ZNF236: variants seen among roughly 807,000 people sequenced by gnomAD.
ZNF236 encodes the protein zinc finger protein 236.
In ZNF236, 50 loss-of-function variants were observed where a neutral mutation model predicts 191.2. The observed-to-expected ratio is 0.26, with a 90% CI of 0.21 to 0.33. The LOEUF is 0.33. Among genes scored for constraint, ZNF236 ranks in the 10% least tolerant of loss-of-function variants. The probability of loss-of-function intolerance (pLI) is 1.00; values close to 1 mark genes in which losing one functional copy is unlikely to be tolerated. For missense variants in ZNF236, 1,754 were observed against 2,374.5 expected (o/e 0.74, Z 5.43); for synonymous variants, 907 against 928.8 (o/e 0.98, Z 0.43).
chr18:76,871,654 C>A, intron 4 of ZNF236, 47 bp from the exon 5 acceptor site: 1 of 1,608,862 alleles, frequency 6.2e-7, no homozygotes, highest in Middle Eastern at 1.7e-4. Context: ...AATTATGGTA[C>A]AAGGGAGACA....
chr18:76,857,253 C>G (rs1399041499), intron 3 of ZNF236, among the ~76,000 whole-genome samples: 1 of 152,206 alleles, frequency 6.6e-6, no homozygotes, highest in African/African-American at 2.4e-5. Flanking sequence ...ATTACTCACT[C>G]TCTCATCCTG....
intron 10 of ZNF236, among the ~76,000 whole-genome samples, chr18:76,896,598 G>A (rs548943954): frequency 6.0e-5 from 9 of 150,526 alleles, no homozygotes; most frequent in African/African-American, 2.0e-4. Context: ...ACTGCACACA[G>A]TACGAAACAG....
At chr18:76,914,856 T>A (rs141283649) in intron 18 of ZNF236, among the ~76,000 whole-genome samples, 28 of 151,898 alleles carry the variant, frequency 1.8e-4, no homozygotes, top group Admixed American at 5.2e-4. Flanking sequence ...TCATTATAAG[T>A]TTAATATCAA....
chr18:76,825,850 A>G (rs1253300203), intron 1 of ZNF236, among the ~76,000 whole-genome samples: 2 of 151,826 alleles, frequency 1.3e-5, no homozygotes, highest in Non-Finnish European at 2.9e-5. Context: ...GGCTCAAGTG[A>G]TTCTCCCACG....
In ZNF236 at chr18:76,919,692, A is replaced by G; in HGVS notation, c.3275-84A>G. 4.1e-6 allele frequency: 6 copies of G among 1,466,074 alleles called. No individual in the cohort carries two copies. In the South Asian group the frequency reaches 6.3e-5, roughly 15 times the overall value. 90.8% of individuals were successfully genotyped at this position (1,466,074 alleles called of 1,614,324 possible). ...TGAGTTATTAATTTTCATTACATACATACCTATTTAGTTTTAATTGTTTTG... is the reference window on the plus strand; with the variant it reads ...TGAGTTATTAATTTTCATTACATACGTACCTATTTAGTTTTAATTGTTTTG... On this transcript the variant is annotated intron_variant, in intron 19 of 30. Coordinates refer to ENST00000320610, the MANE Select transcript of ZNF236 (RefSeq NM_001306089.2). The surrounding 1 kb of genome is among the most constrained non-coding windows in gnomAD (Gnocchi z 5.3).
chr18:76,907,929 C>G (rs970853360), intron 13 of ZNF236, among the ~76,000 whole-genome samples: 23 of 152,158 alleles, frequency 1.5e-4, no homozygotes, highest in African/African-American at 5.5e-4. Flanking sequence ...AGATTTAGAT[C>G]AGTCTATAAA....
Position 76,960,610 on chromosome 18 carries a change from C to G in ZNF236, c.5243-69C>G. Reference sequence around the variant, plus strand: ...AACATTCAGTCCCTCTTGTTCATACCTCAGGGTAGAGCCCAGGCATCCACT... The same window carrying G: ...AACATTCAGTCCCTCTTGTTCATACGTCAGGGTAGAGCCCAGGCATCCACT... On this transcript the variant is annotated intron_variant, in intron 29 of 30. Transcript: ENST00000320610. The surrounding 1 kb of genome is among the most constrained non-coding windows in gnomAD (Gnocchi z 4.4). The G allele has an allele frequency of 6.3e-7, 1 of 1,575,858 alleles. No individual in the cohort carries two copies. The highest frequency in any genetic ancestry group is 1.1e-5 in the South Asian group (1 of 89,924).
intron 28 of ZNF236, among the ~76,000 whole-genome samples, chr18:76,958,101 G>C (rs766159852): frequency 6.6e-6 from 1 of 152,186 alleles, no homozygotes; most frequent in Non-Finnish European, 1.5e-5. Context: ...ACCAACTTCA[G>C]GGCACAACAC....
chr18:76,940,376 C>G (rs562460067), intron 26 of ZNF236, among the ~76,000 whole-genome samples: 150 of 103,002 alleles, frequency 1.5e-3, no homozygotes, highest in East Asian at 3.8e-3. Flanking sequence ...TTGCGTTTGG[C>G]AACACGGTGG....
intron 11 of ZNF236, 72 bp from the exon 12 acceptor site, chr18:76,904,308 T>G: frequency 7.0e-7 from 1 of 1,425,810 alleles, no homozygotes; most frequent in Non-Finnish European, 9.3e-7. Context: ...GGGTAAAACA[T>G]GTGCCTTGTG....
In ZNF236 at chr18:76,911,248, A is replaced by G. The variant is rs536540410; in HGVS notation, c.2805+437A>G. Among the ~76,000 whole-genome samples, 4 of 152,312 alleles carry G rather than the reference A, an allele frequency of 2.6e-5. 1 individual carries two copies. Among genetic ancestry groups the G allele is most frequent in the African/African-American group, 7.2e-5 (3 of 41,572 alleles). ...TTATCTCTTACTCCTGGTTGGAGAC[A>G]TTTTAATTTTGGTTTTGGTTTTCAT... On this transcript the variant is annotated intron_variant, in intron 16 of 30. Coordinates refer to ENST00000320610, the MANE Select transcript of ZNF236 (RefSeq NM_001306089.2).
chr18:76,955,248 A>C (rs963659079), intron 27 of ZNF236, among the ~76,000 whole-genome samples: 10 of 152,058 alleles, frequency 6.6e-5, no homozygotes, highest in Non-Finnish European at 1.3e-4. Context: ...TCTCTACAAA[A>C]AATAAAAAAG....
chr18:76,971,305 C>A lies in ZNF236; in HGVS notation c.*2966C>A, dbSNP rs962469902. On this transcript the variant is annotated 3_prime_UTR_variant, in exon 31 of 31. Transcript: ENST00000320610. ...CACCCCCATCAAGCTCTACTTTTTC[C>A]CCTTTGAAAAACTTGAGGCACTTAG... Among the ~76,000 whole-genome samples, 1 of 152,118 alleles carries A rather than the reference C, an allele frequency of 6.6e-6. No individual in the cohort carries two copies. The highest frequency in any genetic ancestry group is 6.5e-5 in the Admixed American group (1 of 15,280).
intron 20 of ZNF236, 35 bp downstream of exon 20, chr18:76,920,093 T>C (rs1245539586): frequency 6.3e-7 from 1 of 1,586,444 alleles, no homozygotes; most frequent in Non-Finnish European, 8.6e-7. Context: ...GGTTCCGCTC[T>C]GAAGACTGGA....
At chr18:76,953,271 C>T (rs1968450973) in intron 27 of ZNF236, among the ~76,000 whole-genome samples, 1 of 152,230 alleles carries the variant, frequency 6.6e-6, no homozygotes, top group African/African-American at 2.4e-5. Context: ...CAGAGGGGAG[C>T]CGCTGCAGCA....
chr18:76,888,350 G>C (rs1000151766), intron 9 of ZNF236: 1 of 152,752 alleles, frequency 6.5e-6, no homozygotes, highest in Non-Finnish European at 1.5e-5. Context: ...GCGACAGAGC[G>C]AGACTCCGTC....
rs368940437 is a variant in ZNF236, at chr18:76,880,349, C to T, written c.1188+33C>T. On this transcript the variant is annotated intron_variant, in intron 8 of 30. Coordinates refer to ENST00000320610, the MANE Select transcript of ZNF236 (RefSeq NM_001306089.2). The surrounding 1 kb of genome is among the most constrained non-coding windows in gnomAD (Gnocchi z 5.0). ...ACGCTTCCCTGCGGTGTGAGGCTTA[C>T]GTGCTCGTGCTGGGTCAGAAACCAG... 47 of 1,567,666 alleles carry T rather than the reference C, an allele frequency of 3.0e-5. No homozygotes were observed. Among genetic ancestry groups the T allele is most frequent in the African/African-American group, 1.9e-4 (14 of 73,894 alleles).
At position 76,927,533 on chromosome 18, in the gene ZNF236, T is replaced by A; in HGVS notation, c.4414+16T>A. On this transcript the variant is annotated intron_variant, in intron 24 of 30. Transcript: ENST00000320610. The surrounding 1 kb of genome is among the most constrained non-coding windows in gnomAD (Gnocchi z 5.4). ...AACAGCAGTGGTAAGAGCCACTCAC[T>A]TTTGCTTATTTTGACAGCTGGAGTT... The A allele has an allele frequency of 6.3e-7, 1 of 1,595,464 alleles. No individual in the cohort carries two copies. Among genetic ancestry groups the A allele is most frequent in the Non-Finnish European group, 8.6e-7 (1 of 1,169,420 alleles).
chr18:76,902,257 A>C (rs77995417), intron 11 of ZNF236, among the ~76,000 whole-genome samples: 3,986 of 152,294 alleles, frequency 0.026, 98 homozygotes, highest in East Asian at 0.099. Context: ...CTCTTCTCTC[A>C]GACTCTGGGC....
Sources: allele counts gnomAD v4.1 joint callset (sites outside exome capture counted in the v4.1 genomes callset), GRCh38; gene constraint gnomAD v4.1.1; non-coding constraint Gnocchi (gnomAD v3.1); transcripts MANE v1.5; gene names NCBI Gene and HGNC (gene_info 2026-07-23, HGNC 2026-07-21).